Variants in WDR33 observed in about 807,000 individuals in gnomAD.
WDR33 encodes the protein WD repeat domain 33, also known as pre-mRNA 3' end processing protein WDR33.
In WDR33, 47 loss-of-function variants were observed where a neutral mutation model predicts 164.9. That is an observed-to-expected ratio of 0.29 (90% CI 0.23 to 0.36). The LOEUF is 0.36. Among genes scored for constraint, WDR33 ranks in the 10% least tolerant of loss-of-function variants. The pLI is 1.00. For synonymous variants in WDR33, 505 were observed against 589.0 expected, an observed-to-expected ratio of 0.86 and a Z score of 2.06; for missense variants, 1,137 against 1,754.1, an observed-to-expected ratio of 0.65 and a Z score of 6.28.
chr2:127,702,071 G>T lies in WDR33; in HGVS notation c.*4252C>A, dbSNP rs1685905933. 2 of 1,217,858 alleles carry T rather than the reference G, an allele frequency of 1.6e-6. No homozygotes were observed. The highest frequency in any genetic ancestry group is 3.2e-5 in the African/African-American group (2 of 63,050). The allele number at this position is 1,217,858 out of a possible 1,614,324, so 75.4% of individuals were successfully genotyped here. A position where few individuals can be genotyped will look rare whatever the true frequency, so the allele number is the denominator to read the frequency against. Reference sequence around the variant, plus strand: ...CGGGCGCGCAGGTGGCCGCGCTGCTGGCCGCGCTGGTTGGGCTGCTGCCCT... The same window carrying T: ...CGGGCGCGCAGGTGGCCGCGCTGCTTGCCGCGCTGGTTGGGCTGCTGCCCT... On this transcript the variant is annotated 3_prime_UTR_variant, in exon 22 of 22. Transcript: ENST00000322313.
At chr2:127,788,723 A>G (rs1394323941) in intron 1 of WDR33, among the ~76,000 whole-genome samples, 3 of 137,156 alleles carry the variant, frequency 2.2e-5, no homozygotes, top group Admixed American at 7.1e-5. Context: ...TCCCTCCCGG[A>G]TGGCACGGCT....
At chr2:127,715,088 C>CTTTTTTTTTTTTTTTTTTTTTTTT (rs386391178) in intron 17 of WDR33, among the ~76,000 whole-genome samples, 3 of 108,578 alleles carry the variant, frequency 2.8e-5, no homozygotes, top group Non-Finnish European at 5.5e-5. Flanking sequence ...TTCTTTGTTT[C>CTTTTTTTTTTTTTTTTTTTTTTTT]TTTTTTTTTT....
Position 127,763,320 on chromosome 2 carries a change from G to C in WDR33, c.627-161C>G. ...AAAGTGAATGTCGTCAGCTAACATA[G>C]GCATCTCATCAAAAGAAGACTTCAA... is the stretch of plus-strand genomic sequence containing the variant. On this transcript the variant is annotated intron_variant, in intron 6 of 21. Transcript: ENST00000322313. The surrounding 1 kb of genome is among the most constrained non-coding windows in gnomAD (Gnocchi z 4.5). The C allele has an allele frequency of 6.9e-7, 1 of 1,439,646 alleles. No homozygotes were observed. The highest frequency in any genetic ancestry group is 9.1e-7 in the Non-Finnish European group (1 of 1,098,608). 89.2% of individuals were successfully genotyped at this position (1,439,646 alleles called of 1,614,324 possible). A position where few individuals can be genotyped will look rare whatever the true frequency, so the allele number is the denominator to read the frequency against.
Position 127,764,661 on chromosome 2 carries a change from A to C in WDR33, c.626+167T>G. 6.4e-7 allele frequency: 1 copy of C among 1,569,730 alleles called. No individual in the cohort carries two copies. The highest frequency in any genetic ancestry group is 1.2e-5 in the South Asian group (1 of 86,690). Reference sequence around the variant, plus strand: ...GACAACACTACTTCAGAAAGGTGCCAGCAAAATGGTGAATGTGTGAAAACA... The same window carrying C: ...GACAACACTACTTCAGAAAGGTGCCCGCAAAATGGTGAATGTGTGAAAACA... On this transcript the variant is annotated intron_variant, in intron 6 of 21. Transcript: ENST00000322313. The surrounding 1 kb of genome is among the most constrained non-coding windows in gnomAD (Gnocchi z 6.2).
intron 1 of WDR33, among the ~76,000 whole-genome samples, chr2:127,792,064 G>C (rs1688859637): frequency 6.6e-6 from 1 of 151,592 alleles, no homozygotes; most frequent in Admixed American, 6.6e-5. Context: ...TCAGCCTCCT[G>C]AGTAGCTGGG....
chr2:127,803,054 T>A (rs1304888192), intron 1 of WDR33, among the ~76,000 whole-genome samples: 1 of 151,966 alleles, frequency 6.6e-6, no homozygotes, highest in Non-Finnish European at 1.5e-5. Context: ...AAACAAAAAC[T>A]GTGAAATTTG....
At chr2:127,766,817 T>A (rs1224926158) in intron 4 of WDR33, among the ~76,000 whole-genome samples, 3 of 151,966 alleles carry the variant, frequency 2.0e-5, no homozygotes, top group African/African-American at 7.3e-5. Flanking sequence ...TCGCCCAGGC[T>A]AGAGTGCAGT....
chr2:127,724,587 G>T lies in WDR33; in HGVS notation c.1086-144C>A. The stretch of plus-strand genomic sequence containing the variant: ...CTCTGGTGAATTCCACATGTCTCGG[G>T]GTATTGGCTTGTCATTGCCAAAGGA... On this transcript the variant is annotated intron_variant, in intron 10 of 21. Coordinates refer to ENST00000322313, the MANE Select transcript of WDR33 (RefSeq NM_018383.5). The surrounding 1 kb of genome is among the most constrained non-coding windows in gnomAD (Gnocchi z 4.8). The T allele has an allele frequency of 1.4e-6, 1 of 735,038 alleles. No homozygotes were observed. Among genetic ancestry groups the T allele is most frequent in the Non-Finnish European group, 2.3e-6 (1 of 441,018 alleles). 45.5% of individuals were successfully genotyped at this position (735,038 alleles called of 1,614,324 possible).
intron 1 of WDR33, among the ~76,000 whole-genome samples, chr2:127,784,936 G>A (rs1186973719): frequency 6.6e-6 from 1 of 152,086 alleles, no homozygotes; most frequent in Non-Finnish European, 1.5e-5. Flanking sequence ...ATTTCACAAT[G>A]GCAGATACAA....
At chr2:127,800,015 G>A (rs1320491520) in intron 1 of WDR33, among the ~76,000 whole-genome samples, 1 of 152,210 alleles carries the variant, frequency 6.6e-6, no homozygotes, top group African/African-American at 2.4e-5. Context: ...TAACCCTCAT[G>A]AGAAGTCCAT....
chr2:127,764,364 G>A lies in WDR33; in HGVS notation c.626+464C>T. ...GGTTTTAGTCCTATACTTTCCTTTG[G>A]AAGTCGTGGCATAACCAAGCCAACC... is the stretch of plus-strand genomic sequence containing the variant. On this transcript the variant is annotated intron_variant, in intron 6 of 21. Coordinates refer to ENST00000322313, the MANE Select transcript of WDR33 (RefSeq NM_018383.5). The surrounding 1 kb of genome is among the most constrained non-coding windows in gnomAD (Gnocchi z 6.2). 1.4e-6 allele frequency: 2 copies of A among 1,423,476 alleles called. No individual in the cohort carries two copies. Among genetic ancestry groups the A allele is most frequent in the Non-Finnish European group, 1.8e-6 (2 of 1,090,618 alleles). The allele number at this position is 1,423,476 out of a possible 1,614,324, so 88.2% of individuals were successfully genotyped here.
At chr2:127,786,353 T>C (rs1688570936) in intron 1 of WDR33, among the ~76,000 whole-genome samples, 1 of 152,254 alleles carries the variant, frequency 6.6e-6, no homozygotes, top group Non-Finnish European at 1.5e-5. Flanking sequence ...TTTTCTCTTA[T>C]TTCCATATCC....
intron 7 of WDR33, among the ~76,000 whole-genome samples, chr2:127,727,697 T>C (rs1201440684): frequency 6.6e-6 from 1 of 152,174 alleles, no homozygotes; most frequent in East Asian, 1.9e-4. Context: ...AAAAAATGGA[T>C]ATGATTTTTG....
intron 7 of WDR33, among the ~76,000 whole-genome samples, chr2:127,761,460 A>G (rs6713209): frequency 0.039 from 5,864 of 152,302 alleles, 258 homozygotes; most frequent in South Asian, 0.17. Context: ...TCGGCCTCCC[A>G]AAGTGCTGGG....
At chr2:127,801,848 C>A (rs1193304549) in intron 1 of WDR33, among the ~76,000 whole-genome samples, 1 of 151,574 alleles carries the variant, frequency 6.6e-6, no homozygotes, top group East Asian at 1.9e-4. Context: ...CGTGCCACTG[C>A]ACTCCTGCCT....
rs1686427595 is a variant in WDR33, at chr2:127,721,136, C to T, written c.1671+700G>A. Among the ~76,000 whole-genome samples the T allele has an allele frequency of 6.6e-6, 1 of 152,138 alleles. No homozygotes were observed. Among genetic ancestry groups the T allele is most frequent in the Non-Finnish European group, 1.5e-5 (1 of 68,030 alleles). The stretch of plus-strand genomic sequence containing the variant: ...GTTGTTGTTGTTTTTGAGACAGAGT[C>T]TCACTTTGTGGCACAGGCTGGAGTG... On this transcript the variant is annotated intron_variant, in intron 15 of 21. Transcript: ENST00000322313. The surrounding 1 kb of genome is among the most constrained non-coding windows in gnomAD (Gnocchi z 4.9).
chr2:127,771,350 A>G (rs896786853), intron 1 of WDR33, among the ~76,000 whole-genome samples: 3 of 152,232 alleles, frequency 2.0e-5, no homozygotes, highest in African/African-American at 7.2e-5. Context: ...GGCAACCGTA[A>G]CACAATAAGT....
chr2:127,736,303 A>T, intron 7 of WDR33: 1 of 985,412 alleles, frequency 1.0e-6, no homozygotes, highest in South Asian at 4.7e-5. Context: ...AGACTGGGGA[A>T]GGGCATGTAA....
Position 127,724,549 on chromosome 2 carries a change from G to T in WDR33, c.1086-106C>A. The T allele has an allele frequency of 1.0e-6, 1 of 974,244 alleles. No homozygotes were observed. Among genetic ancestry groups the T allele is most frequent in the Admixed American group, 2.2e-5 (1 of 46,272 alleles). 60.3% of individuals were successfully genotyped at this position (974,244 alleles called of 1,614,324 possible). A position where few individuals can be genotyped will look rare whatever the true frequency, so the allele number is the denominator to read the frequency against. On this transcript the variant is annotated intron_variant, in intron 10 of 21. Transcript: ENST00000322313. The surrounding 1 kb of genome is among the most constrained non-coding windows in gnomAD (Gnocchi z 4.8). ...TTACTCTTAAAATGAAGCTACCAAA[G>T]CCTGGACTTGGACTCTGGTGAATTC...
Sources: allele counts gnomAD v4.1 joint callset (sites outside exome capture counted in the v4.1 genomes callset), GRCh38; gene constraint gnomAD v4.1.1; non-coding constraint Gnocchi (gnomAD v3.1); transcripts MANE v1.5; gene names NCBI Gene and HGNC (gene_info 2026-07-23, HGNC 2026-07-21).